The following USP10 variants were observed in gnomAD, a reference collection of about 807,000 sequenced individuals.
The protein encoded by USP10 is ubiquitin specific peptidase 10.
In USP10, 22 loss-of-function variants were observed where a neutral mutation model predicts 84.5. The observed-to-expected ratio is 0.26, with a 90% confidence interval of 0.19 to 0.37. USP10 has a LOEUF of 0.37. Ranked by LOEUF, USP10 falls within the 10% of genes least tolerant of loss-of-function variation. The pLI, the probability that USP10 is intolerant of heterozygous loss-of-function variation, is 1.00. For synonymous variants in USP10, 454 were observed against 387.6 expected, an observed-to-expected ratio of 1.17 and a Z score of -2.01; for missense variants, 1,019 against 998.9, an observed-to-expected ratio of 1.02 and a Z score of -0.27.
chr16:84,731,003 C>T (rs1321473079), intron 1 of USP10, among the ~76,000 whole-genome samples: 1 of 118,046 alleles, frequency 8.5e-6, no homozygotes, highest in African/African-American at 3.3e-5. Flanking sequence ...TTTTTTGACA[C>T]GGAATCTCTC....
intron 1 of USP10, among the ~76,000 whole-genome samples, chr16:84,715,680 A>T (rs1906922781): frequency 6.6e-6 from 1 of 152,136 alleles, no homozygotes; most frequent in Admixed American, 6.5e-5. Flanking sequence ...CAGCTTTCTA[A>T]CTGGCTTACA....
chr16:84,738,509 T>C (rs1188489298), intron 2 of USP10, among the ~76,000 whole-genome samples: 1 of 152,194 alleles, frequency 6.6e-6, no homozygotes. Flanking sequence ...ACTGCCCTTA[T>C]AGACCCACCT....
At chr16:84,725,201 C>T in intron 1 of USP10, among the ~76,000 whole-genome samples, 1 of 152,270 alleles carries the variant, frequency 6.6e-6, no homozygotes, top group East Asian at 1.9e-4. Flanking sequence ...CCCGCTCCCC[C>T]ATTCTCCTCT....
chr16:84,746,988 A>T (rs1367729550), intron 4 of USP10, among the ~76,000 whole-genome samples: 1 of 152,242 alleles, frequency 6.6e-6, no homozygotes, highest in African/African-American at 2.4e-5. Flanking sequence ...AAAAAGTAAG[A>T]CACAAACATT....
intron 2 of USP10, among the ~76,000 whole-genome samples, chr16:84,736,926 C>G (rs936875266): frequency 2.0e-5 from 3 of 152,216 alleles, no homozygotes; most frequent in African/African-American, 4.8e-5. Flanking sequence ...GTAGCTGGGA[C>G]TACAGGCGTC....
At chr16:84,700,625 C>T (rs1209074482) in intron 1 of USP10, among the ~76,000 whole-genome samples, 1 of 152,086 alleles carries the variant, frequency 6.6e-6, no homozygotes, top group Non-Finnish European at 1.5e-5. Flanking sequence ...CGGGGGTTGC[C>T]GATTTTCTGT....
intron 1 of USP10, among the ~76,000 whole-genome samples, chr16:84,710,055 AG>A (rs879265225): frequency 6.6e-6 from 1 of 152,120 alleles, no homozygotes; most frequent in Non-Finnish European, 1.5e-5. Context: ...GGATCACTTG[AG>A]GTAAGGAGTT....
intron 12 of USP10, among the ~76,000 whole-genome samples, chr16:84,774,451 C>A (rs977079226): frequency 4.0e-5 from 6 of 151,712 alleles, no homozygotes; most frequent in Admixed American, 3.9e-4. Flanking sequence ...TGTTACTGTT[C>A]TGTAACTGAA....
intron 4 of USP10, among the ~76,000 whole-genome samples, chr16:84,756,135 G>A (rs1304044069): frequency 7.0e-6 from 1 of 142,040 alleles, no homozygotes; most frequent in Non-Finnish European, 1.5e-5. Context: ...AGCCTGTACA[G>A]TGTGTGTTTG....
chr16:84,740,465 C>G, intron 3 of USP10, 96 bp downstream of exon 3: 1 of 1,035,848 alleles, frequency 9.7e-7, no homozygotes, highest in Non-Finnish European at 1.5e-6. Context: ...TTTGAATAAA[C>G]ATTTCTTTGT....
chr16:84,771,070 A>AG (rs1354287834), intron 11 of USP10, among the ~76,000 whole-genome samples: 1 of 124,772 alleles, frequency 8.0e-6, no homozygotes, highest in Non-Finnish European at 1.8e-5. Flanking sequence ...AAAAAAAAAA[A>AG]GTGTTATCCA....
Position 84,740,383 on chromosome 16 carries a change from C to A in USP10, c.151+14C>A. 6.2e-7 allele frequency: 1 copy of A among 1,609,670 alleles called. No individual in the cohort carries two copies. The highest frequency in any genetic ancestry group is 1.1e-5 in the South Asian group (1 of 90,618). On this transcript the variant is annotated intron_variant, in intron 3 of 13. Coordinates refer to ENST00000219473, the MANE Select transcript of USP10 (RefSeq NM_005153.3). ...AACTACCTGATGGTAAGCTAGTTCTCTCCTTATTTCCCTGAAGGGAATTTG... is the reference window on the plus strand; with the variant it reads ...AACTACCTGATGGTAAGCTAGTTCTATCCTTATTTCCCTGAAGGGAATTTG...
rs373691185 is a variant in USP10, at chr16:84,772,563, C to T, written c.2021C>T (p.Thr674Ile). The change falls in exon 12 of 14, where the codon ACT becomes ATT. Residue 674 changes from threonine to isoleucine, a missense_variant. Transcript: ENST00000219473. ...TAGGTTGAGATAAGTCGAAGAGTGA[C>T]TCTGGAAAAACTCCCTCCTGTCCTC... is the stretch of plus-strand genomic sequence containing the variant. ...KQEVEISRRVTLEKLPPVLVL... is the reference protein window; with the variant it reads ...KQEVEISRRVILEKLPPVLVL... The T allele has an allele frequency of 6.2e-7, 1 of 1,613,908 alleles. No individual in the cohort carries two copies. Among genetic ancestry groups the T allele is most frequent in the African/African-American group, 1.3e-5 (1 of 75,032 alleles).
chr16:84,748,925 A>C (rs1260497396), intron 4 of USP10, among the ~76,000 whole-genome samples: 4 of 152,166 alleles, frequency 2.6e-5, no homozygotes. Context: ...TACCAAACAG[A>C]TTATTTTTTT....
chr16:84,739,350 C>G (rs1910345450), intron 2 of USP10, among the ~76,000 whole-genome samples: 2 of 152,128 alleles, frequency 1.3e-5, no homozygotes, highest in African/African-American at 4.8e-5. Flanking sequence ...CGGCTCACTG[C>G]AACCTCCATC....
intron 10 of USP10, among the ~76,000 whole-genome samples, chr16:84,764,781 G>C (rs990257658): frequency 4.6e-5 from 7 of 151,414 alleles, no homozygotes; most frequent in African/African-American, 1.2e-4. Context: ...CAGTGGCCCA[G>C]ATAGCGCCAT....
At chr16:84,733,857 C>T (rs1407183090) in intron 2 of USP10, among the ~76,000 whole-genome samples, 1 of 151,926 alleles carries the variant, frequency 6.6e-6, no homozygotes, top group South Asian at 2.1e-4. Flanking sequence ...CATAGTCAAT[C>T]GTAGTGTTTT....
intron 2 of USP10, among the ~76,000 whole-genome samples, chr16:84,734,119 C>T (rs760621272): frequency 1.2e-4 from 18 of 152,120 alleles, no homozygotes; most frequent in Non-Finnish European, 2.1e-4. Flanking sequence ...TCTGTGGGCT[C>T]CTCCGGGACA....
rs1050505565 is a variant in USP10 at position 84,779,727 on chromosome 16, A to G, written c.*645A>G. ...ATTGTAACTTTATTGCCATTAAAAG[A>G]TTTCAAATTGCATTCATGCTTCTGT... On this transcript the variant is annotated 3_prime_UTR_variant, in exon 14 of 14. Transcript: ENST00000219473. The G allele has an allele frequency of 6.5e-6, 1 of 152,712 alleles. No individual in the cohort carries two copies. The highest frequency in any genetic ancestry group is 3.2e-3 in the Middle Eastern group (1 of 316). 9.5% of individuals were successfully genotyped at this position (152,712 alleles called of 1,614,324 possible).
Sources: gnomAD v4.1 joint callset for allele counts (sites outside exome capture counted in the v4.1 genomes callset) on GRCh38, gnomAD v4.1.1 for gene constraint, MANE v1.5 for transcripts, NCBI Gene and HGNC (gene_info 2026-07-23, HGNC 2026-07-21) for gene names.